MAP3K5: variants seen among roughly 807,000 people sequenced by gnomAD.
The protein encoded by MAP3K5 is ASK-1.
A neutral mutation model predicts 158.7 loss-of-function variants in MAP3K5; 56 were observed. That is an observed-to-expected ratio of 0.35 (90% confidence interval 0.28 to 0.44). The LOEUF is 0.44. MAP3K5 is among the 20% of genes least tolerant of loss of function. The probability of loss-of-function intolerance (pLI) is 1.00; values close to 1 mark genes in which losing one functional copy is unlikely to be tolerated. For missense variants in MAP3K5, 1,294 were observed against 1,674.8 expected (o/e 0.77, Z 3.97); for synonymous variants, 579 against 601.7 (o/e 0.96, Z 0.55).
At chr6:136,755,689 C>CA (rs772339028) in intron 1 of MAP3K5, among the ~76,000 whole-genome samples, 9,866 of 47,812 alleles carry the variant, frequency 0.21, 854 homozygotes, top group African/African-American at 0.34. Flanking sequence ...ACTCTGTCTC[C>CA]AAAAAAAAAA....
At chr6:136,777,361 T>C (rs1370759968) in intron 1 of MAP3K5, among the ~76,000 whole-genome samples, 2 of 152,232 alleles carry the variant, frequency 1.3e-5, no homozygotes, top group Admixed American at 6.5e-5. Context: ...GGAGGTGTTT[T>C]GTTGTTTAAT....
At chr6:136,639,763 T>C in intron 12 of MAP3K5, 125 bp from the exon 13 acceptor site, 2 of 588,082 alleles carry the variant, frequency 3.4e-6, no homozygotes, top group Non-Finnish European at 3.0e-6. Flanking sequence ...CAAGAAGTTA[T>C]AAATAGCACT....
rs527923263 is a variant in MAP3K5 at position 136,734,347 on chromosome 6, G to C, written c.449-13758C>G. Among the ~76,000 whole-genome samples, 5 of 141,796 alleles carry C rather than the reference G, an allele frequency of 3.5e-5. No individual in the cohort carries two copies. The East Asian group carries it at 6.6e-4, about 19-fold the overall frequency. The allele number at this position is 141,796 out of a possible 152,430, so 93.0% of individuals were successfully genotyped here. On this transcript the variant is annotated intron_variant, in intron 1 of 29. Transcript: ENST00000359015. ...AGGCAGGAAAATTGCTTGAACACGA[G>C]AGACGGAGGTTACAGTGAGCAGAGA... is the stretch of plus-strand genomic sequence containing the variant.
chr6:136,694,775 A>T (rs1006572170), intron 6 of MAP3K5, among the ~76,000 whole-genome samples: 9 of 152,212 alleles, frequency 5.9e-5, no homozygotes, highest in Non-Finnish European at 1.0e-4. Flanking sequence ...AAACCCAAGA[A>T]CTGCTTGATT....
At chr6:136,587,094 C>T (rs1393010222) in intron 23 of MAP3K5, among the ~76,000 whole-genome samples, 1 of 152,188 alleles carries the variant, frequency 6.6e-6, no homozygotes, top group Non-Finnish European at 1.5e-5. Flanking sequence ...TGCAAAGATG[C>T]TCTCCAGTCT....
At chr6:136,580,448 G>T in intron 24 of MAP3K5, 42 bp from the exon 25 acceptor site, 2 of 1,245,122 alleles carry the variant, frequency 1.6e-6, no homozygotes, top group Non-Finnish European at 1.2e-6. Flanking sequence ...ATTTTTAATT[G>T]CAAATAGCCT....
intron 20 of MAP3K5, among the ~76,000 whole-genome samples, chr6:136,601,282 T>C (rs1775864662): frequency 6.6e-6 from 1 of 152,226 alleles, no homozygotes. Flanking sequence ...TTTACACTAC[T>C]GTTTTATTTA....
At chr6:136,679,848 C>A (rs949039962) in intron 7 of MAP3K5, among the ~76,000 whole-genome samples, 2 of 151,970 alleles carry the variant, frequency 1.3e-5, no homozygotes, top group Non-Finnish European at 2.9e-5. Context: ...TATTTATACA[C>A]CAATGTTTAA....
At chr6:136,759,277 T>C (rs1349601820) in intron 1 of MAP3K5, among the ~76,000 whole-genome samples, 6 of 151,924 alleles carry the variant, frequency 3.9e-5, no homozygotes, top group Middle Eastern at 3.4e-3. Context: ...TGCCTGAACA[T>C]AGGCTGAACA....
At position 136,647,386 on chromosome 6, in the gene MAP3K5, C is replaced by T. The variant is rs145778385; in HGVS notation, c.1788+3598G>A. 2.4e-3 allele frequency among the ~76,000 whole-genome samples: 365 copies of T among 152,294 alleles called. 2 individuals are homozygous for T. The highest frequency in any genetic ancestry group is 0.015 in the South Asian group (74 of 4,828). On this transcript the variant is annotated intron_variant, in intron 11 of 29. Transcript: ENST00000359015. Reference sequence around the variant, plus strand: ...GCAACTAAAGCATGAGGAGTTGAAGCGCATGCCTAGGCCACGAAGCATGCA... The same window carrying T: ...GCAACTAAAGCATGAGGAGTTGAAGTGCATGCCTAGGCCACGAAGCATGCA...
chr6:136,766,864 T>C (rs1783989042), intron 1 of MAP3K5, among the ~76,000 whole-genome samples: 2 of 152,080 alleles, frequency 1.3e-5, no homozygotes, highest in Admixed American at 1.3e-4. Context: ...AATTAATTTT[T>C]ATAAGTTTTT....
chr6:136,615,246 C>T (rs550838691), intron 15 of MAP3K5, among the ~76,000 whole-genome samples: 61 of 152,194 alleles, frequency 4.0e-4, no homozygotes, highest in Non-Finnish European at 5.4e-4. Context: ...ATAGGAGGTC[C>T]GCTGGGCATG....
chr6:136,732,069 G>A (rs908513035), intron 1 of MAP3K5, among the ~76,000 whole-genome samples: 1 of 152,200 alleles, frequency 6.6e-6, no homozygotes, highest in African/African-American at 2.4e-5. Context: ...AGACAGATGG[G>A]TTGGGTTCTA....
At chr6:136,728,904 C>A (rs1191724195) in intron 1 of MAP3K5, among the ~76,000 whole-genome samples, 1 of 151,732 alleles carries the variant, frequency 6.6e-6, no homozygotes, top group Non-Finnish European at 1.5e-5. Context: ...AGAGCCACTA[C>A]ACTTACAAAA....
intron 25 of MAP3K5, among the ~76,000 whole-genome samples, chr6:136,573,632 G>C (rs921188497): frequency 6.6e-6 from 1 of 152,124 alleles, no homozygotes; most frequent in Non-Finnish European, 1.5e-5. Context: ...GCAGAGTTCT[G>C]GGGGAGGGGA....
intron 13 of MAP3K5, among the ~76,000 whole-genome samples, chr6:136,637,960 C>G (rs1249634078): frequency 6.6e-6 from 1 of 152,140 alleles, no homozygotes; most frequent in Non-Finnish European, 1.5e-5. Context: ...CACTGAGTGT[C>G]TACTAGGATA....
chr6:136,706,262 CA>C (rs1228664547), intron 2 of MAP3K5, among the ~76,000 whole-genome samples: 2 of 147,076 alleles, frequency 1.4e-5, no homozygotes, highest in South Asian at 2.2e-4. Context: ...TGAGACTCCT[CA>C]AAAAAAAAAG....
intron 28 of MAP3K5, among the ~76,000 whole-genome samples, chr6:136,561,308 A>C (rs1294763691): frequency 6.6e-6 from 1 of 152,184 alleles, no homozygotes; most frequent in Non-Finnish European, 1.5e-5. Context: ...CCTATCTAAT[A>C]AACACCTGAT....
At chr6:136,662,236 C>T (rs1325592891) in intron 8 of MAP3K5, among the ~76,000 whole-genome samples, 1 of 152,158 alleles carries the variant, frequency 6.6e-6, no homozygotes, top group Non-Finnish European at 1.5e-5. Flanking sequence ...TCACTGGAGG[C>T]ATCTGACAAT....
Sources: gnomAD v4.1 joint callset for allele counts (sites outside exome capture counted in the v4.1 genomes callset) on GRCh38, gnomAD v4.1.1 for gene constraint, MANE v1.5 for transcripts, NCBI Gene and HGNC (gene_info 2026-07-23, HGNC 2026-07-21) for gene names.